The following VAT1L variants were observed in gnomAD, a reference collection of about 807,000 sequenced individuals.
VAT1L encodes the protein vesicle amine transport 1 like.
A neutral mutation model predicts 44.1 loss-of-function variants in VAT1L; 34 were observed. That is an observed-to-expected ratio of 0.77 (90% CI 0.59 to 1.03). The LOEUF (loss-of-function observed/expected upper bound fraction) is 1.03. Among genes scored for constraint, VAT1L ranks in the 50% least tolerant of loss-of-function variants. The pLI is 0.00. For synonymous variants in VAT1L, 253 were observed against 202.2 expected, an observed-to-expected ratio of 1.25 and a Z score of -2.13; for missense variants, 615 against 538.8, an observed-to-expected ratio of 1.14 and a Z score of -1.40.
Position 77,979,857 on chromosome 16 carries a change from G to C in VAT1L, c.*2162G>C, listed in dbSNP as rs530241444. 6.6e-6 allele frequency: 1 copy of C among 152,586 alleles called. No homozygotes were observed. Among genetic ancestry groups the C allele is most frequent in the Non-Finnish European group, 1.5e-5 (1 of 68,000 alleles). The allele number at this position is 152,586 out of a possible 1,614,324, so 9.5% of individuals were successfully genotyped here. On this transcript the variant is annotated 3_prime_UTR_variant, in exon 9 of 9. Transcript: ENST00000302536. ...AAGAACCGGGGGACGCAAGTTAATT[G>C]TTTAACGTACTCTCATTTTAAGCAC...
At chr16:77,926,885 G>A (rs2142498706) in intron 7 of VAT1L, among the ~76,000 whole-genome samples, 1 of 152,164 alleles carries the variant, frequency 6.6e-6, no homozygotes, top group East Asian at 1.9e-4. Context: ...CTGGCTTCTT[G>A]GGCCACTCTA....
At chr16:77,839,710 A>G (rs2016684202) in intron 3 of VAT1L, among the ~76,000 whole-genome samples, 1 of 152,172 alleles carries the variant, frequency 6.6e-6, no homozygotes, top group African/African-American at 2.4e-5. Context: ...CTATCTTGTC[A>G]TGGGCCCTCC....
At chr16:77,861,308 G>A (rs2142441803) in intron 3 of VAT1L, among the ~76,000 whole-genome samples, 1 of 152,300 alleles carries the variant, frequency 6.6e-6, no homozygotes, top group South Asian at 2.1e-4. Context: ...ATGCACCTTA[G>A]TTACCAGAAA....
chr16:77,940,806 T>A (rs987926562), intron 7 of VAT1L, among the ~76,000 whole-genome samples: 1 of 152,212 alleles, frequency 6.6e-6, no homozygotes, highest in Non-Finnish European at 1.5e-5. Flanking sequence ...TTATGTGAGA[T>A]GACTTGGTGG....
intron 7 of VAT1L, among the ~76,000 whole-genome samples, chr16:77,888,515 A>C (rs1250670428): frequency 6.6e-6 from 1 of 152,234 alleles, no homozygotes; most frequent in African/African-American, 2.4e-5. Context: ...ACAAGGTATA[A>C]TTTTAAAAGA....
At chr16:77,816,315 T>C (rs368479577) in intron 1 of VAT1L, among the ~76,000 whole-genome samples, 1 of 152,194 alleles carries the variant, frequency 6.6e-6, no homozygotes, top group African/African-American at 2.4e-5. Context: ...TGATCTCTCT[T>C]TGAGTCCCCT....
chr16:77,904,693 C>G (rs1291410251), intron 7 of VAT1L, among the ~76,000 whole-genome samples: 3 of 152,152 alleles, frequency 2.0e-5, no homozygotes, highest in Non-Finnish European at 4.4e-5. Context: ...ATAACACTTC[C>G]TATATTCCCT....
rs377507276 is a variant in VAT1L at position 77,977,720 on chromosome 16, G to C, written c.*25G>C. 1 of 1,608,818 alleles carries C rather than the reference G, an allele frequency of 6.2e-7. No individual in the cohort carries two copies. Among genetic ancestry groups the C allele is most frequent in the Middle Eastern group, 1.7e-4 (1 of 5,842 alleles). ...ACTGAGGACCCAGGTGGGAGAATGT[G>C]AAGGATGGTTTGGAAGATGAGGACC... On this transcript the variant is annotated 3_prime_UTR_variant, in exon 9 of 9. Transcript: ENST00000302536.
chr16:77,975,194 C>CTTTTTTTTTTTTTT lies in VAT1L; in HGVS notation c.1162-2382_1162-2369dup, dbSNP rs35017686. 5.2e-3 allele frequency among the ~76,000 whole-genome samples: 206 copies of CTTTTTTTTTTTTTT among 39,862 alleles called. 25 individuals carry two copies. The highest frequency in any genetic ancestry group is 6.7e-3 in the Non-Finnish European group (158 of 23,712). 26.2% of individuals were successfully genotyped at this position (39,862 alleles called of 152,430 possible). On this transcript the variant is annotated intron_variant, in intron 8 of 8. Transcript: ENST00000302536. ...GTGCTTTCTCCTACTGGAATGACCACTTTTTTTTTTTTTTTTTTTTTTTTT... is the reference window on the plus strand; with the variant it reads ...GTGCTTTCTCCTACTGGAATGACCACTTTTTTTTTTTTTTTTTTTTTTTTTTTTTTTTTTTTTTT...
chr16:77,962,339 T>C (rs887875154), intron 7 of VAT1L, among the ~76,000 whole-genome samples: 1 of 151,996 alleles, frequency 6.6e-6, no homozygotes, highest in Admixed American at 6.5e-5. Context: ...TAGAAGTGTA[T>C]GTGTTGGGGG....
intron 3 of VAT1L, among the ~76,000 whole-genome samples, chr16:77,852,282 G>C (rs2016815837): frequency 6.6e-6 from 1 of 152,180 alleles, no homozygotes; most frequent in East Asian, 1.9e-4. Flanking sequence ...CCACCTCCTA[G>C]GAGAAGCTTT....
At chr16:77,796,775 C>A (rs944090928) in intron 1 of VAT1L, among the ~76,000 whole-genome samples, 2 of 152,098 alleles carry the variant, frequency 1.3e-5, no homozygotes, top group Non-Finnish European at 2.9e-5. Context: ...ATTGCCAGCA[C>A]GGAGTAGGAT....
intron 1 of VAT1L, among the ~76,000 whole-genome samples, chr16:77,803,641 G>T (rs530109939): frequency 2.0e-5 from 3 of 151,904 alleles, no homozygotes; most frequent in Admixed American, 6.6e-5. Context: ...GGATGGTCTC[G>T]ATTTCCTGAC....
chr16:77,921,259 T>G (rs1169473311), intron 7 of VAT1L, among the ~76,000 whole-genome samples: 2 of 152,224 alleles, frequency 1.3e-5, no homozygotes, highest in African/African-American at 4.8e-5. Flanking sequence ...AAATCGGGAC[T>G]ATTCCTCTGA....
At position 77,857,170 on chromosome 16, in the gene VAT1L, G is replaced by A. The variant is rs1037602602; in HGVS notation, c.580-5578G>A. Among the ~76,000 whole-genome samples the A allele has an allele frequency of 5.3e-5, 8 of 152,168 alleles. 1 individual carries two copies. Among genetic ancestry groups the A allele is most frequent in the Admixed American group, 2.6e-4 (4 of 15,280 alleles). ...CATTAAAAACAAGCGCATGCAAATC[G>A]TCATTTACTGCAGTGACTGGGAGAA... On this transcript the variant is annotated intron_variant, in intron 3 of 8. Coordinates refer to ENST00000302536, the MANE Select transcript of VAT1L (RefSeq NM_020927.3).
chr16:77,844,517 TC>T (rs1224867900), intron 3 of VAT1L, among the ~76,000 whole-genome samples: 1 of 152,124 alleles, frequency 6.6e-6, no homozygotes, highest in Non-Finnish European at 1.5e-5. Flanking sequence ...CAAGTGATTC[TC>T]CCCCCTTAGC....
At chr16:77,972,635 G>A (rs898661403) in intron 8 of VAT1L, among the ~76,000 whole-genome samples, 1 of 152,098 alleles carries the variant, frequency 6.6e-6, no homozygotes. Context: ...ACAAAAATTA[G>A]CCGGGTGTGG....
chr16:77,975,766 G>C lies in VAT1L; in HGVS notation c.1162-1831G>C, dbSNP rs543571130. On this transcript the variant is annotated intron_variant, in intron 8 of 8. Transcript: ENST00000302536. ...AAACTCATCCTATGATGTGTCATGA[G>C]GTCAGAGCAGAGGCAGAACTGCTGC... Among the ~76,000 whole-genome samples, 8 of 152,344 alleles carry C rather than the reference G, an allele frequency of 5.3e-5. No homozygotes were observed. The South Asian group carries it at 6.2e-4, about 12-fold the overall frequency.
chr16:77,968,473 C>T (rs1428836159), intron 7 of VAT1L, among the ~76,000 whole-genome samples: 1 of 152,122 alleles, frequency 6.6e-6, no homozygotes, highest in Non-Finnish European at 1.5e-5. Flanking sequence ...CGCCTGTAAT[C>T]CCAGCACTTT....
Sources: allele counts gnomAD v4.1 joint callset (sites outside exome capture counted in the v4.1 genomes callset), GRCh38; gene constraint gnomAD v4.1.1; transcripts MANE v1.5; gene names NCBI Gene and HGNC (gene_info 2026-07-23, HGNC 2026-07-21).